The following CUL5 variants were observed in gnomAD, a reference collection of about 807,000 sequenced individuals.
The protein encoded by CUL5 is cullin 5.
A neutral mutation model predicts 108.8 loss-of-function variants in CUL5; 26 were observed. The ratio of observed to expected loss-of-function variants is 0.24; its 90% CI spans 0.18 to 0.33. The LOEUF is 0.33. Among genes scored for constraint, CUL5 ranks in the 10% least tolerant of loss-of-function variants. The pLI, the probability that CUL5 is intolerant of heterozygous loss-of-function variation, is 1.00. For synonymous variants in CUL5, 334 were observed against 298.0 expected, an observed-to-expected ratio of 1.12 and a Z score of -1.25; for missense variants, 524 against 909.2, an observed-to-expected ratio of 0.58 and a Z score of 5.45.
intron 1 of CUL5, among the ~76,000 whole-genome samples, chr11:108,020,915 C>A (rs1206794668): frequency 1.3e-5 from 2 of 152,214 alleles, no homozygotes; most frequent in Non-Finnish European, 2.9e-5. Context: ...ATCTTCCAGT[C>A]CTGCAGGCTC....
At chr11:108,075,684 T>C (rs945217598) in intron 10 of CUL5, among the ~76,000 whole-genome samples, 2 of 152,020 alleles carry the variant, frequency 1.3e-5, no homozygotes, top group Admixed American at 6.6e-5. Context: ...TGTGAGCACA[T>C]ACCACCACAC....
In CUL5 at chr11:108,067,554, T is replaced by A. The variant is rs572058053; in HGVS notation, c.781-2542T>A. ...GTCCTATGTACATTTTTTTTTTTTT[T>A]AAACCTGGTCACAGCCATTAAAACT... On this transcript the variant is annotated intron_variant, in intron 7 of 18. Transcript: ENST00000393094. Among the ~76,000 whole-genome samples the A allele has an allele frequency of 6.8e-3, 1,035 of 152,098 alleles. 6 individuals carry two copies. Among genetic ancestry groups the A allele is most frequent in the Non-Finnish European group, 8.1e-3 (551 of 67,948 alleles).
chr11:108,011,780 A>C (rs1862063989), intron 1 of CUL5, among the ~76,000 whole-genome samples: 1 of 152,160 alleles, frequency 6.6e-6, no homozygotes. Context: ...GGCGCACGCC[A>C]CCACGCCCAG....
chr11:108,042,119 AT>A (rs1565242306), intron 2 of CUL5, among the ~76,000 whole-genome samples: 1 of 151,266 alleles, frequency 6.6e-6, no homozygotes, highest in African/African-American at 2.4e-5. Flanking sequence ...AGTTTGCCCA[AT>A]TTTTTTCTTA....
At chr11:108,080,792 C>CTAA (rs1381671283) in intron 11 of CUL5, among the ~76,000 whole-genome samples, 1 of 152,086 alleles carries the variant, frequency 6.6e-6, no homozygotes, top group Non-Finnish European at 1.5e-5. Context: ...AGATGATGTG[C>CTAA]TAATATTTTC....
chr11:108,019,305 G>A (rs183617382), intron 1 of CUL5, among the ~76,000 whole-genome samples: 1 of 152,080 alleles, frequency 6.6e-6, no homozygotes, highest in Admixed American at 6.6e-5. Flanking sequence ...TGGCAAATGG[G>A]GTTTTAAAAT....
At chr11:108,039,624 A>G (rs1275495350) in intron 2 of CUL5, among the ~76,000 whole-genome samples, 1 of 152,226 alleles carries the variant, frequency 6.6e-6, no homozygotes, top group African/African-American at 2.4e-5. Context: ...CCATTAAACA[A>G]TAATTCTTCA....
chr11:108,067,159 A>C lies in CUL5; in HGVS notation c.781-2937A>C, dbSNP rs533187065. On this transcript the variant is annotated intron_variant, in intron 7 of 18. Transcript: ENST00000393094. ...TCCTCATAAAGTAAGTATCTGCCTC[A>C]TGAGGTTGCCATGTGGGTTAAATGA... Among the ~76,000 whole-genome samples, 9 of 152,342 alleles carry C rather than the reference A, an allele frequency of 5.9e-5. No homozygotes were observed. In the East Asian group the frequency reaches 1.7e-3, roughly 29 times the overall value.
At chr11:108,075,486 A>G (rs1265940242) in intron 10 of CUL5, among the ~76,000 whole-genome samples, 2 of 152,270 alleles carry the variant, frequency 1.3e-5, no homozygotes, top group East Asian at 3.9e-4. Context: ...GTTTGACAGC[A>G]TTTGTTACAC....
chr11:108,037,543 A>G (rs186351478), intron 2 of CUL5, among the ~76,000 whole-genome samples: 1 of 152,348 alleles, frequency 6.6e-6, no homozygotes, highest in East Asian at 1.9e-4. Context: ...GGCAAAGTCC[A>G]GGAGAAACGA....
chr11:108,035,281 A>G (rs920849916), intron 2 of CUL5, among the ~76,000 whole-genome samples: 4 of 152,190 alleles, frequency 2.6e-5, no homozygotes, highest in Admixed American at 2.0e-4. Context: ...GTTAATCTCC[A>G]TATCAGATAC....
In CUL5 at chr11:108,062,006, A is replaced by G. The variant is rs186236336; in HGVS notation, c.780+7051A>G. 1.9e-3 allele frequency among the ~76,000 whole-genome samples: 289 copies of G among 152,262 alleles called. 1 individual carries two copies. The highest frequency in any genetic ancestry group is 6.3e-3 in the African/African-American group (261 of 41,560). On this transcript the variant is annotated intron_variant, in intron 7 of 18. Transcript: ENST00000393094. ...GCATGGGGGAAACCTTGCTGATCCAATCACCTCCCACCAGGTCCCTGTCTC... is the reference window on the plus strand; with the variant it reads ...GCATGGGGGAAACCTTGCTGATCCAGTCACCTCCCACCAGGTCCCTGTCTC...
At chr11:108,038,739 C>G (rs1017929289) in intron 2 of CUL5, among the ~76,000 whole-genome samples, 1 of 151,538 alleles carries the variant, frequency 6.6e-6, no homozygotes, top group African/African-American at 2.4e-5. Flanking sequence ...AGTGTATCGT[C>G]CTTTTAGGTA....
At chr11:108,080,403 T>C (rs926644311) in intron 11 of CUL5, among the ~76,000 whole-genome samples, 13 of 152,086 alleles carry the variant, frequency 8.5e-5, no homozygotes, top group Non-Finnish European at 1.5e-5. Context: ...TGCCCATTTT[T>C]TTTGGTTGTT....
intron 5 of CUL5, among the ~76,000 whole-genome samples, chr11:108,054,071 C>G (rs551287007): frequency 3.3e-5 from 5 of 152,250 alleles, no homozygotes; most frequent in African/African-American, 1.2e-4. Flanking sequence ...GTCTTGAACT[C>G]CTGACCTCAA....
chr11:108,046,495 T>C (rs1555015869), intron 3 of CUL5, 126 bp downstream of exon 3: 2 of 565,124 alleles, frequency 3.5e-6, no homozygotes, highest in Non-Finnish European at 3.1e-6. Context: ...GACACATTTG[T>C]TAAATAAATT....
chr11:108,086,368 C>T (rs1456701607), intron 11 of CUL5, among the ~76,000 whole-genome samples: 1 of 152,134 alleles, frequency 6.6e-6, no homozygotes, highest in Admixed American at 6.6e-5. Flanking sequence ...GGAATGAAGA[C>T]TGCTTGAGCC....
intron 1 of CUL5, among the ~76,000 whole-genome samples, chr11:108,009,914 T>A (rs146858716): frequency 1.3e-3 from 192 of 152,094 alleles, no homozygotes; most frequent in African/African-American, 4.5e-3. Context: ...CTCCTAATTC[T>A]CCCATTCTTG....
intron 1 of CUL5, among the ~76,000 whole-genome samples, chr11:108,026,545 A>G (rs1165646920): frequency 6.6e-6 from 1 of 152,070 alleles, no homozygotes; most frequent in Non-Finnish European, 1.5e-5. Context: ...GCCTGTAGTC[A>G]CTTCCTCCAC....
Sources: allele counts gnomAD v4.1 joint callset (sites outside exome capture counted in the v4.1 genomes callset), GRCh38; gene constraint gnomAD v4.1.1; transcripts MANE v1.5; gene names NCBI Gene and HGNC (gene_info 2026-07-23, HGNC 2026-07-21).